Variants in TSC1 observed in about 807,000 individuals in gnomAD.
TSC1 encodes TSC complex subunit 1.
In TSC1, 20 loss-of-function variants were observed where a neutral mutation model predicts 124.3. The ratio of observed to expected loss-of-function variants is 0.16; its 90% confidence interval spans 0.11 to 0.23. TSC1 has a LOEUF of 0.23. Among genes scored for constraint, TSC1 ranks in the 10% least tolerant of loss-of-function variants. The probability of loss-of-function intolerance (pLI) is 1.00; values close to 1 mark genes in which losing one functional copy is unlikely to be tolerated. For synonymous variants in TSC1, 493 were observed against 539.1 expected (o/e 0.91, Z 1.19); for missense variants, 1,124 against 1,448.5 (o/e 0.78, Z 3.64).
chr9:132,922,346 G>A (rs1239081564), intron 6 of TSC1, among the ~76,000 whole-genome samples: 1 of 151,820 alleles, frequency 6.6e-6, no homozygotes, highest in Admixed American at 6.6e-5. Context: ...CTTTTCCATT[G>A]CCGAATTCAG....
chr9:132,900,957 T>G, intron 19 of TSC1, 120 bp from the exon 20 acceptor site: 1 of 1,408,392 alleles, frequency 7.1e-7, no homozygotes, highest in Non-Finnish European at 9.8e-7. Flanking sequence ...AATAAACCAG[T>G]CCCATGGGTT....
chr9:132,939,541 G>GT (rs1179819924), intron 1 of TSC1, among the ~76,000 whole-genome samples: 1 of 152,214 alleles, frequency 6.6e-6, no homozygotes, highest in Non-Finnish European at 1.5e-5. Flanking sequence ...TAACTTAAGT[G>GT]TAAGGCCAGA....
chr9:132,912,177 A>G, intron 9 of TSC1, 105 bp downstream of exon 9: 1 of 1,395,894 alleles, frequency 7.2e-7, no homozygotes, highest in Non-Finnish European at 1.0e-6. Context: ...AAAAATCCCT[A>G]GGAACTGAAC....
rs2131853146 is a variant in TSC1 at position 132,906,185 on chromosome 9, C to T, written c.1439-46G>A. The T allele has an allele frequency of 6.3e-7, 1 of 1,588,006 alleles. No individual in the cohort carries two copies. Among genetic ancestry groups the T allele is most frequent in the East Asian group, 2.3e-5 (1 of 44,430 alleles). On this transcript the variant is annotated intron_variant, in intron 14 of 22. Transcript: ENST00000298552. This position sits in a 1 kb window ranked among gnomAD's most constrained non-coding sequence, Gnocchi z 4.1. ...AAAAGAAATGGCAGTCGGTATTCCA[C>T]CTGGGAAAGACTAGGCAGTTTGGGT...
intron 1 of TSC1, among the ~76,000 whole-genome samples, chr9:132,940,411 GA>G (rs1160568589): frequency 6.6e-6 from 1 of 152,152 alleles, no homozygotes; most frequent in East Asian, 1.9e-4. Flanking sequence ...GGGTAGAAGA[GA>G]AATTTGGTCC....
At position 132,929,038 on chromosome 9, in the gene TSC1, C is replaced by G. The variant is rs532909694; in HGVS notation, c.-80-86G>C. On this transcript the variant is annotated intron_variant, in intron 2 of 22. Transcript: ENST00000298552. ...AATACCTGCAAGACAAACTAATGCA[C>G]GTGTTCAATGCAATGGAAAGTTTGG... 7.4e-6 allele frequency: 9 copies of G among 1,208,128 alleles called. No homozygotes were observed. In the South Asian group the frequency reaches 1.3e-4, roughly 18 times the overall value. 74.8% of individuals were successfully genotyped at this position (1,208,128 alleles called of 1,614,324 possible).
At chr9:132,915,819 G>C (rs1846248332) in intron 8 of TSC1, among the ~76,000 whole-genome samples, 1 of 152,150 alleles carries the variant, frequency 6.6e-6, no homozygotes, top group Non-Finnish European at 1.5e-5. Context: ...GAGAATATAA[G>C]GCAGCTTCCC....
chr9:132,904,528 A>C (rs1845555680), intron 15 of TSC1, 74 bp from the exon 16 acceptor site: 11 of 1,452,986 alleles, frequency 7.6e-6, no homozygotes, highest in Non-Finnish European at 9.6e-6. Flanking sequence ...TTTTATTTGC[A>C]GCAAAGTTAG....
At chr9:132,909,312 G>T (rs1278332193) in intron 12 of TSC1, among the ~76,000 whole-genome samples, 1 of 152,164 alleles carries the variant, frequency 6.6e-6, no homozygotes, top group Non-Finnish European at 1.5e-5. Context: ...TCCAAATGTT[G>T]AAACACTTCA....
intron 4 of TSC1, 60 bp from the exon 5 acceptor site, chr9:132,925,799 A>G (rs1347607828): frequency 6.3e-7 from 1 of 1,595,236 alleles, no homozygotes; most frequent in East Asian, 2.2e-5. Flanking sequence ...AACACAAATA[A>G]AGACAGCAAT....
chr9:132,924,300 T>C (rs1846734251), intron 5 of TSC1, among the ~76,000 whole-genome samples: 1 of 152,230 alleles, frequency 6.6e-6, no homozygotes, highest in South Asian at 2.1e-4. Flanking sequence ...AGACATCCAT[T>C]ATTCCTATTA....
chr9:132,935,995 C>T (rs1339335913), intron 1 of TSC1, among the ~76,000 whole-genome samples: 5 of 152,196 alleles, frequency 3.3e-5, no homozygotes, highest in Non-Finnish European at 4.4e-5. Flanking sequence ...AACATGCCTC[C>T]TTCACTAGGA....
chr9:132,921,940 T>A lies in TSC1; in HGVS notation c.542A>T (p.His181Leu), dbSNP rs397515294. The change falls in exon 7 of 23, where the codon CAT becomes CTT. Residue 181 changes from histidine to leucine, a missense_variant. By Grantham distance (99) the His-to-Leu change is moderately conservative (BLOSUM62 -3). Around this residue, in one of 5 missense-constraint regions of TSC1, gnomAD observed 463 missense variants for 606.8 expected, o/e 0.76. Transcript: ENST00000298552. This position sits in a 1 kb window ranked among gnomAD's most constrained non-coding sequence, Gnocchi z 4.3. Reference protein sequence around the residue: ...HVAEVYLVHLHASVYALFHRL... With the variant: ...HVAEVYLVHLLASVYALFHRL... ...ATGAAAGAGTGCGTACACACTGGCA[T>A]GGAGATGGACGAGATAGACTTCCGC... The A allele has an allele frequency of 2.5e-6, 4 of 1,614,004 alleles. No individual in the cohort carries two copies. The African/African-American group carries it at 5.3e-5, about 22-fold the overall frequency.
intron 6 of TSC1, among the ~76,000 whole-genome samples, chr9:132,922,506 C>G (rs553711233): frequency 6.0e-4 from 91 of 152,160 alleles, no homozygotes; most frequent in African/African-American, 2.1e-3. Context: ...TTTATAACTA[C>G]AGAGTGAAAA....
Position 132,906,865 on chromosome 9 carries a change from A to G in TSC1, c.1334-30T>C, listed in dbSNP as rs2131870460. 6.4e-7 allele frequency: 1 copy of G among 1,569,078 alleles called. No individual in the cohort carries two copies. Among genetic ancestry groups the G allele is most frequent in the South Asian group, 1.1e-5 (1 of 90,008 alleles). The stretch of plus-strand genomic sequence containing the variant: ...AGAGAAACAAAGACAACTGAAGTCA[A>G]AGAAATACAGTGTAATCCCTGTAAG... On this transcript the variant is annotated intron_variant, in intron 13 of 22. Transcript: ENST00000298552. This position sits in a 1 kb window ranked among gnomAD's most constrained non-coding sequence, Gnocchi z 4.1.
Position 132,906,919 on chromosome 9 carries a change from T to C in TSC1, c.1334-84A>G. On this transcript the variant is annotated intron_variant, in intron 13 of 22. Coordinates refer to ENST00000298552, the MANE Select transcript of TSC1 (RefSeq NM_000368.5). This position sits in a 1 kb window ranked among gnomAD's most constrained non-coding sequence, Gnocchi z 4.1. ...AAAACTGCTTACACTGTATAGAATA[T>C]GTCTGTAATAACTCTTCATGCTGAA... The C allele has an allele frequency of 9.4e-7, 1 of 1,065,310 alleles. No individual in the cohort carries two copies. The allele number at this position is 1,065,310 out of a possible 1,614,324, so 66.0% of individuals were successfully genotyped here. A position where few individuals can be genotyped will look rare whatever the true frequency, so the allele number is the denominator to read the frequency against.
In TSC1 at chr9:132,937,775, A is replaced by G. The variant is rs542333354; in HGVS notation, c.-143-2680T>C. ...CAGGCTGGAGTTCAGTGGCCTAATC[A>G]TGACTCATGGTTCACTGCGACCTTC... is the stretch of plus-strand genomic sequence containing the variant. On this transcript the variant is annotated intron_variant, in intron 1 of 22. Coordinates refer to ENST00000298552, the MANE Select transcript of TSC1 (RefSeq NM_000368.5). 7.2e-5 allele frequency among the ~76,000 whole-genome samples: 11 copies of G among 152,226 alleles called. No individual in the cohort carries two copies. The South Asian group carries it at 2.1e-3, about 29-fold the overall frequency.
At chr9:132,931,731 G>C (rs1847213592) in intron 2 of TSC1, among the ~76,000 whole-genome samples, 1 of 152,142 alleles carries the variant, frequency 6.6e-6, no homozygotes, top group Non-Finnish European at 1.5e-5. Flanking sequence ...AAACATTTGA[G>C]GGTCTACAGT....
At chr9:132,911,273 A>T in intron 10 of TSC1, 160 bp from the exon 11 acceptor site, 1 of 805,992 alleles carries the variant, frequency 1.2e-6, no homozygotes, top group Non-Finnish European at 2.2e-6. Flanking sequence ...TTTGTAAATC[A>T]AGACTTCAAG....
Sources: gnomAD v4.1 joint callset for allele counts (sites outside exome capture counted in the v4.1 genomes callset) on GRCh38, gnomAD v4.1.1 for gene constraint, gnomAD v4.1.1 regional missense constraint, Gnocchi (gnomAD v3.1) non-coding constraint, MANE v1.5 for transcripts, NCBI Gene and HGNC (gene_info 2026-07-23, HGNC 2026-07-21) for gene names.